The following CCSER1 variants were observed in gnomAD, a reference collection of about 807,000 sequenced individuals.
CCSER1 encodes coiled-coil serine rich protein 1.
A neutral mutation model predicts 82.0 loss-of-function variants in CCSER1; 41 were observed. The observed-to-expected ratio is 0.50, with a 90% CI of 0.39 to 0.65. CCSER1 has a LOEUF of 0.65. CCSER1 is among the 30% of genes least tolerant of loss of function. The pLI, the probability that CCSER1 is intolerant of heterozygous loss-of-function variation, is 0.00. For missense variants in CCSER1, 1,119 were observed against 1,064.2 expected (o/e 1.05, Z -0.72); for synonymous variants, 414 against 383.9 (o/e 1.08, Z -0.92).
intron 8 of CCSER1, among the ~76,000 whole-genome samples, chr4:90,863,891 C>G (rs1580828538): frequency 6.6e-6 from 1 of 151,856 alleles, no homozygotes; most frequent in African/African-American, 2.4e-5. Flanking sequence ...CTTTGTTGAA[C>G]CAGAGAATCT....
intron 10 of CCSER1, among the ~76,000 whole-genome samples, chr4:91,273,782 T>A (rs1046078739): frequency 1.3e-5 from 2 of 152,148 alleles, no homozygotes; most frequent in African/African-American, 4.8e-5. Flanking sequence ...TGTCCCTATA[T>A]GCCAATTTTG....
At chr4:90,184,869 C>T (rs1364969650) in intron 1 of CCSER1, among the ~76,000 whole-genome samples, 2 of 152,006 alleles carry the variant, frequency 1.3e-5, no homozygotes, top group Non-Finnish European at 2.9e-5. Flanking sequence ...ACCTGCCAGC[C>T]TGAAATGACA....
intron 8 of CCSER1, among the ~76,000 whole-genome samples, chr4:90,901,057 A>T (rs1023382437): frequency 2.6e-5 from 4 of 151,530 alleles, no homozygotes; most frequent in East Asian, 1.9e-4. Flanking sequence ...ACTTTTTTTA[A>T]AAAAACTGTT....
chr4:90,299,864 T>C (rs1732755070), intron 1 of CCSER1, among the ~76,000 whole-genome samples: 1 of 152,154 alleles, frequency 6.6e-6, no homozygotes, highest in Non-Finnish European at 1.5e-5. Flanking sequence ...GCTGATATCC[T>C]ACTTATTTTA....
At chr4:91,263,027 A>G (rs1269349771) in intron 10 of CCSER1, among the ~76,000 whole-genome samples, 2 of 152,040 alleles carry the variant, frequency 1.3e-5, no homozygotes, top group Non-Finnish European at 2.9e-5. Flanking sequence ...TAGGAGTAAT[A>G]TTACCTAGCC....
chr4:91,321,875 C>T (rs542325078), intron 10 of CCSER1, among the ~76,000 whole-genome samples: 14 of 152,108 alleles, frequency 9.2e-5, no homozygotes, highest in Admixed American at 4.6e-4. Context: ...CAAGAATTTC[C>T]ATAGTAAAAG....
intron 8 of CCSER1, among the ~76,000 whole-genome samples, chr4:90,898,961 AT>A (rs965155290): frequency 4.6e-5 from 7 of 151,028 alleles, no homozygotes; most frequent in Admixed American, 2.0e-4. Context: ...TTTAGCATTG[AT>A]TTTTCTAATT....
At chr4:90,233,395 T>C (rs928266128) in intron 1 of CCSER1, among the ~76,000 whole-genome samples, 3 of 152,048 alleles carry the variant, frequency 2.0e-5, no homozygotes, top group Admixed American at 6.6e-5. Context: ...ACACCGCATA[T>C]TCTCACTCAT....
intron 10 of CCSER1, among the ~76,000 whole-genome samples, chr4:91,434,976 C>T (rs1321378206): frequency 6.6e-6 from 1 of 151,992 alleles, no homozygotes; most frequent in African/African-American, 2.4e-5. Context: ...CCGTAGAGTT[C>T]TGTTGTTGTT....
At chr4:90,505,225 T>C (rs939701823) in intron 5 of CCSER1, among the ~76,000 whole-genome samples, 5 of 152,222 alleles carry the variant, frequency 3.3e-5, no homozygotes, top group African/African-American at 9.6e-5. Flanking sequence ...GGGCAACAGA[T>C]GGGCTACAAA....
intron 1 of CCSER1, among the ~76,000 whole-genome samples, chr4:90,157,862 C>T (rs943186647): frequency 6.6e-6 from 1 of 152,214 alleles, no homozygotes; most frequent in African/African-American, 2.4e-5. Flanking sequence ...CTGAACCCTT[C>T]TTCTCTCAAC....
At chr4:91,031,817 G>C (rs1013911731) in intron 9 of CCSER1, among the ~76,000 whole-genome samples, 2 of 151,862 alleles carry the variant, frequency 1.3e-5, no homozygotes, top group African/African-American at 4.8e-5. Flanking sequence ...GAGATATTTT[G>C]GTAGTATATA....
At chr4:90,682,622 C>A (rs1734091615) in intron 6 of CCSER1, among the ~76,000 whole-genome samples, 1 of 151,982 alleles carries the variant, frequency 6.6e-6, no homozygotes. Flanking sequence ...GGTCTCATAA[C>A]TCCACTAACC....
chr4:91,146,926 A>G (rs1327424930), intron 10 of CCSER1, among the ~76,000 whole-genome samples: 1 of 152,190 alleles, frequency 6.6e-6, no homozygotes, highest in Non-Finnish European at 1.5e-5. Flanking sequence ...AGGGCAGGAG[A>G]GGACTCCTTC....
At chr4:91,226,164 TG>T (rs1305718802) in intron 10 of CCSER1, among the ~76,000 whole-genome samples, 8 of 151,774 alleles carry the variant, frequency 5.3e-5, no homozygotes, top group Non-Finnish European at 7.4e-5. Flanking sequence ...CTAAAATTAA[TG>T]ACTCAGAGAA....
At chr4:91,468,657 T>C (rs1001558192) in intron 10 of CCSER1, among the ~76,000 whole-genome samples, 4 of 152,094 alleles carry the variant, frequency 2.6e-5, no homozygotes, top group African/African-American at 9.7e-5. Context: ...ATGTTTATGT[T>C]TTTATATTTA....
At chr4:90,998,811 G>A (rs1220418947) in intron 9 of CCSER1, among the ~76,000 whole-genome samples, 3 of 151,918 alleles carry the variant, frequency 2.0e-5, no homozygotes, top group Non-Finnish European at 4.4e-5. Context: ...GAGGTTTGGG[G>A]TATGAATGAT....
intron 10 of CCSER1, among the ~76,000 whole-genome samples, chr4:91,522,209 G>A (rs1760512778): frequency 6.6e-6 from 1 of 152,126 alleles, no homozygotes; most frequent in African/African-American, 2.4e-5. Context: ...TGTTACTTCC[G>A]AGGACTCTGT....
At chr4:90,550,428 T>A (rs1777317350) in intron 5 of CCSER1, among the ~76,000 whole-genome samples, 1 of 152,206 alleles carries the variant, frequency 6.6e-6, no homozygotes, top group Non-Finnish European at 1.5e-5. Flanking sequence ...GATTCTATAG[T>A]ATTGTTTCAT....
Sources: allele counts gnomAD v4.1 joint callset (sites outside exome capture counted in the v4.1 genomes callset), GRCh38; gene constraint gnomAD v4.1.1; transcripts MANE v1.5; gene names NCBI Gene and HGNC (gene_info 2026-07-23, HGNC 2026-07-21).